Variants in MUC15 observed in about 807,000 individuals in gnomAD.
The protein encoded by MUC15 is mucin 15, cell surface associated.
In MUC15, 23 loss-of-function variants were observed where a neutral mutation model predicts 24.0. The observed-to-expected ratio is 0.96, with a 90% confidence interval of 0.69 to 1.36. MUC15 has a LOEUF of 1.36. Among genes scored for constraint, MUC15 ranks in the 40% most tolerant of loss-of-function variants. The probability of loss-of-function intolerance (pLI) is 0.00; values close to 1 mark genes in which losing one functional copy is unlikely to be tolerated. For missense variants in MUC15, 442 were observed against 428.2 expected, an observed-to-expected ratio of 1.03 and a Z score of -0.29; for synonymous variants, 151 against 156.3, an observed-to-expected ratio of 0.97 and a Z score of 0.25.
At chr11:26,569,431 C>T (rs948051720) in intron 1 of MUC15, among the ~76,000 whole-genome samples, 1 of 152,038 alleles carries the variant, frequency 6.6e-6, no homozygotes, top group Non-Finnish European at 1.5e-5. Context: ...ACAAGTTTGC[C>T]TCTGCTGCCT....
chr11:26,567,174 T>TCAACTGAC (rs2134274684), intron 1 of MUC15, 35 bp from the exon 2 acceptor site: 11 of 1,288,550 alleles, frequency 8.5e-6, no homozygotes, highest in Middle Eastern at 4.0e-4. Flanking sequence ...TAAAGCCAAG[T>TCAACTGAC]CAACTGACTC....
chr11:26,567,055 A>G lies in MUC15; in HGVS notation c.40T>C (p.Cys14Arg). Reference sequence around the variant, plus strand: ...TATCATCTTATTTGATACTTACAACAATCCCTTGATGTGGCAAGAATAGAT... The same window carrying G: ...TATCATCTTATTTGATACTTACAACGATCCCTTGATGTGGCAAGAATAGAT... ...IQSILATSRD[C>R]YSFKKKPIPK... The change falls in exon 2 of 5, where the codon TGT (cysteine) becomes CGT (arginine). Residue 14 changes from cysteine to arginine, a missense_variant. Coordinates refer to ENST00000529533, the MANE Select transcript of MUC15 (RefSeq NM_001135091.2). The G allele has an allele frequency of 6.6e-7, 1 of 1,509,144 alleles. No homozygotes were observed. 93.5% of individuals were successfully genotyped at this position (1,509,144 alleles called of 1,614,324 possible).
rs892507287 is a variant in MUC15 at position 26,560,769 on chromosome 11, A to G, written c.*296T>C. 1 of 259,646 alleles carries G rather than the reference A, an allele frequency of 3.9e-6. No homozygotes were observed. Among genetic ancestry groups the G allele is most frequent in the East Asian group, 1.0e-4 (1 of 9,642 alleles). 16.1% of individuals were successfully genotyped at this position (259,646 alleles called of 1,614,324 possible). A position where few individuals can be genotyped will look rare whatever the true frequency, so the allele number is the denominator to read the frequency against. On this transcript the variant is annotated 3_prime_UTR_variant, in exon 5 of 5. Coordinates refer to ENST00000529533, the MANE Select transcript of MUC15 (RefSeq NM_001135091.2). Reference sequence around the variant, plus strand: ...TTATTTAGTTATGAGGCAGGGCTGTAATGGTGAAATCTTTTAGTTTTATCT... The same window carrying G: ...TTATTTAGTTATGAGGCAGGGCTGTGATGGTGAAATCTTTTAGTTTTATCT...
rs142185234 is a variant in MUC15 at position 26,560,660 on chromosome 11, C to T, written c.*405G>A. 1,564 of 154,008 alleles carry T rather than the reference C, an allele frequency of 0.01. 12 individuals carry two copies. The highest frequency in any genetic ancestry group is 0.016 in the Non-Finnish European group (1,131 of 69,070). The allele number at this position is 154,008 out of a possible 1,614,324, so 9.5% of individuals were successfully genotyped here. ...CAATTTTCATTTAAGAAAATGCAATCTTGAATTATGGTACTAGGGCTTCAG... is the reference window on the plus strand; with the variant it reads ...CAATTTTCATTTAAGAAAATGCAATTTTGAATTATGGTACTAGGGCTTCAG... On this transcript the variant is annotated 3_prime_UTR_variant, in exon 5 of 5. Coordinates refer to ENST00000529533, the MANE Select transcript of MUC15 (RefSeq NM_001135091.2).
At chr11:26,563,380 GGT>G in intron 3 of MUC15, 115 bp from the exon 4 acceptor site, 2 of 1,024,682 alleles carry the variant, frequency 2.0e-6, no homozygotes, top group Middle Eastern at 3.1e-4. Context: ...ATTAGATAAT[GGT>G]GTGTTTCTCT....
Position 26,561,031 on chromosome 11 carries a change from A to G in MUC15, c.*34T>C, listed in dbSNP as rs1850267065. 6.3e-7 allele frequency: 1 copy of G among 1,586,738 alleles called. No individual in the cohort carries two copies. Among genetic ancestry groups the G allele is most frequent in the African/African-American group, 1.4e-5 (1 of 73,080 alleles). ...TTGTCAAAAGGCTAGGATGTAGATG[A>G]CACTTGCTGTTTAACGCCTTTTTGC... On this transcript the variant is annotated 3_prime_UTR_variant, in exon 5 of 5. Transcript: ENST00000529533.
intron 1 of MUC15, among the ~76,000 whole-genome samples, chr11:26,571,297 A>G (rs1054404860): frequency 6.6e-6 from 1 of 152,138 alleles, no homozygotes; most frequent in Non-Finnish European, 1.5e-5. Flanking sequence ...CTAAATAGAA[A>G]GTAGATAAAT....
chr11:26,567,541 G>A (rs1850639428), intron 1 of MUC15, among the ~76,000 whole-genome samples: 1 of 151,814 alleles, frequency 6.6e-6, no homozygotes, highest in African/African-American at 2.4e-5. Context: ...TCTCACATGT[G>A]GTACAACGTA....
Position 26,565,760 on chromosome 11 carries a change from C to T in MUC15, c.180G>A (p.Gln60=). ...GKENQDINTT[Q]NIAEVFKTME... ...TTGTTTTAAAAACTTCTGCAATGTT[C>T]TGTGTTGTGTTTATGTCTTGATTTT... The change falls in exon 3 of 5, where the codon CAG becomes CAA. Residue 60 remains glutamine (Q), a synonymous_variant. Transcript: ENST00000529533. 6.2e-7 allele frequency: 1 copy of T among 1,613,292 alleles called. No individual in the cohort carries two copies. The highest frequency in any genetic ancestry group is 1.3e-5 in the African/African-American group (1 of 74,958).
intron 1 of MUC15, among the ~76,000 whole-genome samples, chr11:26,567,706 A>G (rs1268795970): frequency 6.6e-6 from 1 of 152,022 alleles, no homozygotes; most frequent in African/African-American, 2.4e-5. Flanking sequence ...TCTACTTAAA[A>G]ATAAAAGCTG....
At chr11:26,568,438 A>G (rs1002847789) in intron 1 of MUC15, among the ~76,000 whole-genome samples, 3 of 150,048 alleles carry the variant, frequency 2.0e-5, no homozygotes, top group Admixed American at 1.3e-4. Context: ...AGAATTTGGT[A>G]CACAGCTGCT....
intron 2 of MUC15, among the ~76,000 whole-genome samples, chr11:26,566,432 A>G (rs770211423): frequency 1.3e-5 from 2 of 151,936 alleles, no homozygotes; most frequent in Non-Finnish European, 2.9e-5. Flanking sequence ...TCAGTCAGGA[A>G]TACCCTTGAA....
In MUC15 at chr11:26,560,493, C is replaced by T. The variant is rs1351719321; in HGVS notation, c.*572G>A. The T allele has an allele frequency of 6.6e-6, 1 of 152,204 alleles. No individual in the cohort carries two copies. Among genetic ancestry groups the T allele is most frequent in the Admixed American group, 6.6e-5 (1 of 15,216 alleles). The allele number at this position is 152,204 out of a possible 1,614,324, so 9.4% of individuals were successfully genotyped here. On this transcript the variant is annotated 3_prime_UTR_variant, in exon 5 of 5. Coordinates refer to ENST00000529533, the MANE Select transcript of MUC15 (RefSeq NM_001135091.2). Reference sequence around the variant, plus strand: ...CAGCTTCATAACTCAGTGGGCTGATCATGTGTGTGCTGATCTAGAAAATTA... The same window carrying T: ...CAGCTTCATAACTCAGTGGGCTGATTATGTGTGTGCTGATCTAGAAAATTA...
At chr11:26,564,692 TACACACACACAC>T (rs370277580) in intron 3 of MUC15, among the ~76,000 whole-genome samples, 566 of 41,026 alleles carry the variant, frequency 0.014, 14 homozygotes, top group Middle Eastern at 0.029. Flanking sequence ...CTCATATATA[TACACACACACAC>T]ACACACACAC....
intron 4 of MUC15, 33 bp from the exon 5 acceptor site, chr11:26,561,258 G>A (rs748129866): frequency 7.3e-6 from 11 of 1,508,600 alleles, no homozygotes; most frequent in Non-Finnish European, 9.8e-6. Flanking sequence ...CTGTTTCACA[G>A]TGATACTCTG....
intron 4 of MUC15, among the ~76,000 whole-genome samples, chr11:26,562,146 T>C (rs759993124): frequency 1.3e-5 from 2 of 151,912 alleles, no homozygotes; most frequent in African/African-American, 2.4e-5. Context: ...AAAGACAAGA[T>C]TCAAAGGTTA....
At position 26,565,600 on chromosome 11, in the gene MUC15, A is replaced by T. The variant is rs1243388911; in HGVS notation, c.340T>A (p.Phe114Ile). Residue 114 changes from phenylalanine (F) to isoleucine (I), a missense_variant, in exon 3 of 5, where the codon TTC becomes ATC. Physicochemically the swap from Phe to Ile is conservative, Grantham distance 21 (BLOSUM62 0). Transcript: ENST00000529533. ...LPNNSHGITDFSSNSSAEHSL... is the reference protein window; with the variant it reads ...LPNNSHGITDISSNSSAEHSL... ...TGCTCTGCTGATGAGTTACTGGAGAAATCTGTTATTCCGTGGCTGTTGTTG... is the reference window on the plus strand; with the variant it reads ...TGCTCTGCTGATGAGTTACTGGAGATATCTGTTATTCCGTGGCTGTTGTTG... 6.2e-7 allele frequency: 1 copy of T among 1,613,156 alleles called. No individual in the cohort carries two copies. Among genetic ancestry groups the T allele is most frequent in the African/African-American group, 1.3e-5 (1 of 74,852 alleles).
In MUC15 at chr11:26,567,099, C is replaced by G; in HGVS notation, c.-5G>C. Reference sequence around the variant, plus strand: ...AATAGATTGTATTATGCCCATTTTGCAGATGAAGAAACTGAAGCTCACAAT... The same window carrying G: ...AATAGATTGTATTATGCCCATTTTGGAGATGAAGAAACTGAAGCTCACAAT... On this transcript the variant is annotated 5_prime_UTR_variant, in exon 2 of 5. Coordinates refer to ENST00000529533, the MANE Select transcript of MUC15 (RefSeq NM_001135091.2). The G allele has an allele frequency of 6.8e-7, 1 of 1,474,816 alleles. No homozygotes were observed. Among genetic ancestry groups the G allele is most frequent in the Non-Finnish European group, 9.0e-7 (1 of 1,106,388 alleles). The allele number at this position is 1,474,816 out of a possible 1,614,324, so 91.4% of individuals were successfully genotyped here.
At position 26,565,892 on chromosome 11, in the gene MUC15, G is replaced by A; in HGVS notation, c.48C>T (p.Ser16=). The change falls in exon 3 of 5, where the codon TCC becomes TCT. Residue 16 remains serine, a synonymous_variant. Coordinates refer to ENST00000529533, the MANE Select transcript of MUC15 (RefSeq NM_001135091.2). ...SILATSRDCY[S]FKKKPIPKKP... is the part of the protein sequence containing the mutation. ...TCTTTGGTATTGGTTTTTTTTTAAA[G>A]GAATCTGAAAGAAAATAACCATAAT... The A allele has an allele frequency of 6.4e-7, 1 of 1,571,732 alleles. No homozygotes were observed. Among genetic ancestry groups the A allele is most frequent in the African/African-American group, 1.4e-5 (1 of 72,146 alleles).
Sources: allele counts gnomAD v4.1 joint callset (sites outside exome capture counted in the v4.1 genomes callset), GRCh38; gene constraint gnomAD v4.1.1; transcripts MANE v1.5; gene names NCBI Gene and HGNC (gene_info 2026-07-23, HGNC 2026-07-21).